Variants in TYW1B observed in about 807,000 individuals in gnomAD.
TYW1B encodes S-adenosyl-L-methionine-dependent tRNA 4-demethylwyosine synthase TYW1B.
Under a neutral mutation model 86.9 loss-of-function variants are expected in TYW1B, and 73 were observed. The observed-to-expected ratio is 0.84, with a 90% CI of 0.70 to 1.02. The LOEUF (loss-of-function observed/expected upper bound fraction) is 1.02. Ranked by LOEUF, TYW1B falls within the 50% of genes least tolerant of loss-of-function variation. The pLI, the probability that TYW1B is intolerant of heterozygous loss-of-function variation, is 0.00. For synonymous variants in TYW1B, 248 were observed against 292.8 expected, an observed-to-expected ratio of 0.85 and a Z score of 1.56; for missense variants, 637 against 827.4, an observed-to-expected ratio of 0.77 and a Z score of 2.82.
chr7:72,771,128 AATTTTGAT>A (rs1178557263), intron 7 of TYW1B, among the ~76,000 whole-genome samples: 2 of 151,900 alleles, frequency 1.3e-5, no homozygotes, highest in African/African-American at 4.8e-5. Context: ...ACACCTGGCT[AATTTTGAT>A]ATTTTTAGTA....
intron 11 of TYW1B, among the ~76,000 whole-genome samples, chr7:72,642,701 G>C (rs1554441617): frequency 6.6e-6 from 1 of 152,234 alleles, no homozygotes; most frequent in African/African-American, 2.4e-5. Flanking sequence ...AGCAGTTCGA[G>C]ACCAGCCTGG....
chr7:72,627,183 T>C (rs1238941001), intron 12 of TYW1B, among the ~76,000 whole-genome samples: 1 of 152,096 alleles, frequency 6.6e-6, no homozygotes, highest in East Asian at 1.9e-4. Flanking sequence ...GCGGTAGTTC[T>C]AACCCTGTAA....
At chr7:72,695,356 G>A (rs2129570294) in intron 10 of TYW1B, among the ~76,000 whole-genome samples, 1 of 152,254 alleles carries the variant, frequency 6.6e-6, no homozygotes, top group African/African-American at 2.4e-5. Context: ...CAAGCCTTGG[G>A]TGGGCAAACA....
At chr7:72,655,060 G>A (rs1261452290) in intron 11 of TYW1B, among the ~76,000 whole-genome samples, 1 of 152,114 alleles carries the variant, frequency 6.6e-6, no homozygotes, top group African/African-American at 2.4e-5. Flanking sequence ...TCATCAAGAT[G>A]GTTGACTAGA....
At chr7:72,739,830 A>C (rs192572179) in intron 8 of TYW1B, among the ~76,000 whole-genome samples, 1,897 of 141,310 alleles carry the variant, frequency 0.013, 50 homozygotes, top group African/African-American at 0.047. Flanking sequence ...CATGCTAAGA[A>C]GCGGCCTAGG....
chr7:72,655,489 G>A (rs561522171), intron 11 of TYW1B, among the ~76,000 whole-genome samples: 19 of 152,200 alleles, frequency 1.2e-4, no homozygotes, highest in Admixed American at 1.0e-3. Context: ...CACATCCCTG[G>A]AGCCCTGCTG....
intron 11 of TYW1B, among the ~76,000 whole-genome samples, chr7:72,643,197 A>C (rs1432048160): frequency 6.6e-6 from 1 of 152,198 alleles, no homozygotes; most frequent in African/African-American, 2.4e-5. Context: ...AAACAAAAGA[A>C]CAGAAATTAA....
intron 7 of TYW1B, among the ~76,000 whole-genome samples, chr7:72,746,919 C>T (rs1318787562): frequency 4.6e-5 from 7 of 152,150 alleles, no homozygotes; most frequent in African/African-American, 1.4e-4. Flanking sequence ...AATGATGTCT[C>T]CAAATGTTTA....
chr7:72,632,368 C>CGTATATATATT lies in TYW1B; in HGVS notation c.1507-3372_1507-3371insAATATATATAC, dbSNP rs1491559777. 4.5e-3 allele frequency among the ~76,000 whole-genome samples: 379 copies of CGTATATATATT among 84,758 alleles called. 10 individuals are homozygous for CGTATATATATT. Among genetic ancestry groups the CGTATATATATT allele is most frequent in the African/African-American group, 0.023 (356 of 15,400 alleles). The allele number at this position is 84,758 out of a possible 152,430, so 55.6% of individuals were successfully genotyped here. A position where few individuals can be genotyped will look rare whatever the true frequency, so the allele number is the denominator to read the frequency against. The stretch of plus-strand genomic sequence containing the variant: ...ATATTATATATATTATATATATACG[C>CGTATATATATT]ATATATATTATATATATACGTATAT... On this transcript the variant is annotated intron_variant, in intron 11 of 13. Coordinates refer to ENST00000620995, the MANE Select transcript of TYW1B (RefSeq NM_001145440.3).
At chr7:72,606,407 C>A (rs114901371) in intron 13 of TYW1B, among the ~76,000 whole-genome samples, 7,217 of 148,628 alleles carry the variant, frequency 0.049, 83 homozygotes, top group Non-Finnish European at 0.068. Flanking sequence ...CTCCTACTAC[C>A]AGGGCGGTAT....
At chr7:72,661,406 G>C (rs1380276438) in intron 11 of TYW1B, among the ~76,000 whole-genome samples, 2 of 151,486 alleles carry the variant, frequency 1.3e-5, no homozygotes, top group African/African-American at 4.8e-5. Context: ...GGGTCAGACA[G>C]GGGGGAAAAA....
At chr7:72,665,710 A>G (rs115459961) in intron 11 of TYW1B, among the ~76,000 whole-genome samples, 2 of 152,248 alleles carry the variant, frequency 1.3e-5, no homozygotes, top group African/African-American at 4.8e-5. Flanking sequence ...AGCCTATGTT[A>G]TATTTTTGTT....
In TYW1B at chr7:72,698,201, G is replaced by A. The variant is rs114494950; in HGVS notation, c.1371-3379C>T. 4.2e-3 allele frequency among the ~76,000 whole-genome samples: 637 copies of A among 152,268 alleles called. 5 individuals are homozygous for A. The highest frequency in any genetic ancestry group is 0.015 in the African/African-American group (605 of 41,546). ...GAGAGAATTATTTACCACTCACCGA[G>A]CTGGCACACTCTGCCGTGTGCTTTA... is the stretch of plus-strand genomic sequence containing the variant. On this transcript the variant is annotated intron_variant, in intron 10 of 13. Transcript: ENST00000620995.
intron 13 of TYW1B, among the ~76,000 whole-genome samples, chr7:72,589,974 A>G (rs1811358422): frequency 6.6e-6 from 1 of 152,224 alleles, no homozygotes; most frequent in South Asian, 2.1e-4. Flanking sequence ...GCTGAAGGAG[A>G]ATAGCAAAGT....
Position 72,628,233 on chromosome 7 carries a change from C to G in TYW1B, c.1617+654G>C, listed in dbSNP as rs529303584. ...AAGAGTTGGAGGCTGCAGTAAGCTA[C>G]GATCACAGCACTGCACTCCAACCTG... is the stretch of plus-strand genomic sequence containing the variant. On this transcript the variant is annotated intron_variant, in intron 12 of 13. Coordinates refer to ENST00000620995, the MANE Select transcript of TYW1B (RefSeq NM_001145440.3). Among the ~76,000 whole-genome samples, 3 of 152,182 alleles carry G rather than the reference C, an allele frequency of 2.0e-5. No homozygotes were observed. The East Asian group carries it at 5.8e-4, about 29-fold the overall frequency.
intron 7 of TYW1B, among the ~76,000 whole-genome samples, chr7:72,770,409 C>A (rs1416354956): frequency 6.4e-5 from 7 of 109,796 alleles, no homozygotes; most frequent in Admixed American, 2.8e-4. Context: ...AGGCTGGCAA[C>A]AGAGTGAGAC....
At chr7:72,805,234 G>A (rs1788472818) in intron 5 of TYW1B, among the ~76,000 whole-genome samples, 2 of 141,420 alleles carry the variant, frequency 1.4e-5, no homozygotes, top group South Asian at 2.3e-4. Flanking sequence ...CCAAATCCAC[G>A]GGTGGCTGCC....
chr7:72,685,880 T>G (rs1264496406), intron 11 of TYW1B, among the ~76,000 whole-genome samples: 1 of 152,114 alleles, frequency 6.6e-6, no homozygotes, highest in African/African-American at 2.4e-5. Context: ...GGAGAAAATA[T>G]TTGCAAAAGA....
At chr7:72,686,741 T>C (rs1814015239) in intron 11 of TYW1B, among the ~76,000 whole-genome samples, 1 of 152,004 alleles carries the variant, frequency 6.6e-6, no homozygotes, top group Admixed American at 6.6e-5. Context: ...GGTTCATCAG[T>C]TATAATAAAT....
Sources: allele counts gnomAD v4.1 joint callset (sites outside exome capture counted in the v4.1 genomes callset), GRCh38; gene constraint gnomAD v4.1.1; transcripts MANE v1.5; gene names NCBI Gene and HGNC (gene_info 2026-07-23, HGNC 2026-07-21).